Variants in WWC1 observed in about 807,000 individuals in gnomAD.
The protein encoded by WWC1 is protein KIBRA.
A neutral mutation model predicts 138.4 loss-of-function variants in WWC1; 55 were observed. The ratio of observed to expected loss-of-function variants is 0.40; its 90% CI spans 0.32 to 0.50. The LOEUF (loss-of-function observed/expected upper bound fraction) is 0.50. Among genes scored for constraint, WWC1 ranks in the 20% least tolerant of loss-of-function variants. WWC1 has a pLI of 0.72. For synonymous variants in WWC1, 524 were observed against 564.9 expected (o/e 0.93, Z 1.03); for missense variants, 1,226 against 1,420.4 (o/e 0.86, Z 2.20).
intron 1 of WWC1, among the ~76,000 whole-genome samples, chr5:168,348,499 C>T (rs775573978): frequency 1.2e-4 from 18 of 152,148 alleles, no homozygotes; most frequent in Non-Finnish European, 2.5e-4. Context: ...CAAGAAGTTC[C>T]GGGGTGGGGT....
rs200128581 is a variant in WWC1, at chr5:168,408,601, C to T, written c.815C>T (p.Pro272Leu). 2.3e-5 allele frequency: 37 copies of T among 1,614,070 alleles called. No homozygotes were observed. In the East Asian group the frequency reaches 3.6e-4, roughly 16 times the overall value. The change falls in exon 7 of 23, where the codon CCG becomes CTG. Residue 272 changes from proline to leucine, a missense_variant. Pro to Leu is a moderately conservative substitution (Grantham distance 98). Transcript: ENST00000265293. The stretch of plus-strand genomic sequence containing the variant: ...AGCTCTCTGGAGAGTTCGAGTTTCC[C>T]GCTACCGAAACAGTACCTGGATGTG... ...SSSSLESSSF[P>L]LPKQYLDVSS...
intron 2 of WWC1, among the ~76,000 whole-genome samples, chr5:168,377,837 G>A (rs1777333570): frequency 1.3e-5 from 2 of 152,340 alleles, no homozygotes; most frequent in South Asian, 4.1e-4. Flanking sequence ...CAGTGGGAAT[G>A]TAAATTAGTT....
At chr5:168,313,173 C>T (rs1226518989) in intron 1 of WWC1, among the ~76,000 whole-genome samples, 1 of 152,108 alleles carries the variant, frequency 6.6e-6, no homozygotes, top group Non-Finnish European at 1.5e-5. Context: ...GTTCACAGGG[C>T]CTGGTGGTTT....
rs1561712366 is a variant in WWC1 at position 168,403,060 on chromosome 5, T to TTCTTTCTTTCTTTCTTTCTTTCTTTCTC, written c.591-3117_591-3116insCTTTCTCTCTTTCTTTCTTTCTTTCTTT. On this transcript the variant is annotated intron_variant, in intron 5 of 22. Coordinates refer to ENST00000265293, the MANE Select transcript of WWC1 (RefSeq NM_015238.3). ...TTTCTTTCTTTCTTTCTTTCTTTCT[T>TTCTTTCTTTCTTTCTTTCTTTCTTTCTC]TCTTTCTTTCTTTCTTTCTTTTCTT... Among the ~76,000 whole-genome samples, 5 of 124,038 alleles carry TTCTTTCTTTCTTTCTTTCTTTCTTTCTC rather than the reference T, an allele frequency of 4.0e-5. No individual in the cohort carries two copies. In the East Asian group the frequency reaches 6.1e-4, roughly 15 times the overall value. The allele number at this position is 124,038 out of a possible 152,430, so 81.4% of individuals were successfully genotyped here.
chr5:168,441,992 A>G lies in WWC1; in HGVS notation c.2433+158A>G, dbSNP rs2152871653. The G allele has an allele frequency of 3.5e-6, 4 of 1,136,048 alleles. No homozygotes were observed. In the Admixed American group the frequency reaches 9.3e-5, roughly 26 times the overall value. 70.4% of individuals were successfully genotyped at this position (1,136,048 alleles called of 1,614,324 possible). A position where few individuals can be genotyped will look rare whatever the true frequency, so the allele number is the denominator to read the frequency against. On this transcript the variant is annotated intron_variant, in intron 16 of 22. Transcript: ENST00000265293. ...AGACAGGGAAGGAGAGATCTCCACT[A>G]AGGGGCAGGCGGCTCCCTTTCTGCA... is the stretch of plus-strand genomic sequence containing the variant.
At chr5:168,357,971 G>A (rs1051134863) in intron 1 of WWC1, among the ~76,000 whole-genome samples, 1 of 152,240 alleles carries the variant, frequency 6.6e-6, no homozygotes, top group Non-Finnish European at 1.5e-5. Flanking sequence ...GACAAGGCGA[G>A]CTTCTGGCTA....
At chr5:168,402,739 C>A (rs1779400694) in intron 5 of WWC1, among the ~76,000 whole-genome samples, 1 of 152,208 alleles carries the variant, frequency 6.6e-6, no homozygotes, top group South Asian at 2.1e-4. Context: ...AAACCCAGGA[C>A]TACTGGATTT....
intron 12 of WWC1, among the ~76,000 whole-genome samples, chr5:168,428,417 G>A (rs1218744729): frequency 1.3e-5 from 2 of 152,030 alleles, no homozygotes; most frequent in Non-Finnish European, 2.9e-5. Flanking sequence ...GAAAGGGAAG[G>A]CCCCTTAAGA....
chr5:168,404,442 A>G (rs141472721), intron 5 of WWC1, among the ~76,000 whole-genome samples: 2 of 152,374 alleles, frequency 1.3e-5, no homozygotes, highest in Non-Finnish European at 2.9e-5. Context: ...GTGGGGAGAC[A>G]TAAACGGGGC....
intron 17 of WWC1, among the ~76,000 whole-genome samples, chr5:168,450,362 C>T (rs1755687864): frequency 6.6e-6 from 1 of 152,066 alleles, no homozygotes; most frequent in Non-Finnish European, 1.5e-5. Context: ...TGAACACTTA[C>T]ATCATGTATA....
At chr5:168,406,865 CCA>C (rs1440199748) in intron 6 of WWC1, among the ~76,000 whole-genome samples, 2 of 152,050 alleles carry the variant, frequency 1.3e-5, no homozygotes, top group Non-Finnish European at 2.9e-5. Flanking sequence ...TGGCGTGAAC[CCA>C]GGAGGTGGAG....
chr5:168,387,420 A>G (rs1778127464), intron 3 of WWC1, among the ~76,000 whole-genome samples: 1 of 152,230 alleles, frequency 6.6e-6, no homozygotes, highest in Non-Finnish European at 1.5e-5. Context: ...TATAGAAAAG[A>G]ACTGTGTTAC....
At chr5:168,398,421 A>T (rs929942610) in intron 4 of WWC1, among the ~76,000 whole-genome samples, 2 of 152,206 alleles carry the variant, frequency 1.3e-5, no homozygotes, top group African/African-American at 4.8e-5. Context: ...TTTAAAGATG[A>T]GCAAACAGAG....
chr5:168,431,601 G>A (rs1781950305), intron 15 of WWC1, among the ~76,000 whole-genome samples, 157 bp downstream of exon 15: 1 of 152,152 alleles, frequency 6.6e-6, no homozygotes, highest in Non-Finnish European at 1.5e-5. Flanking sequence ...GCTCATCTTG[G>A]ATTCTAGGCA....
Position 168,464,720 on chromosome 5 carries a change from C to G in WWC1, c.2917-9C>G. 6.2e-7 allele frequency: 1 copy of G among 1,614,102 alleles called. No individual in the cohort carries two copies. Among genetic ancestry groups the G allele is most frequent in the East Asian group, 2.2e-5 (1 of 44,860 alleles). ...CTAATAACAAGAGAAGCCGTCCCCA[C>G]CCCCACAGCCTTCCTCGGTCAAGTC... On this transcript the variant is annotated splice_polypyrimidine_tract_variant and intron_variant, in intron 20 of 22. Coordinates refer to ENST00000265293, the MANE Select transcript of WWC1 (RefSeq NM_015238.3).
intron 17 of WWC1, 57 bp from the exon 18 acceptor site, chr5:168,453,911 G>A (rs1756058543): frequency 1.7e-5 from 28 of 1,605,652 alleles, no homozygotes; most frequent in African/African-American, 4.0e-5. Context: ...ATTAAAGGCA[G>A]GTGAACAGAG....
intron 1 of WWC1, among the ~76,000 whole-genome samples, chr5:168,331,449 G>C (rs1021156934): frequency 6.6e-6 from 1 of 152,152 alleles, no homozygotes; most frequent in Non-Finnish European, 1.5e-5. Flanking sequence ...ACTTCACTGG[G>C]TTACCTGCCT....
intron 1 of WWC1, among the ~76,000 whole-genome samples, chr5:168,317,474 G>A (rs1425885729): frequency 2.0e-5 from 3 of 152,144 alleles, no homozygotes; most frequent in Non-Finnish European, 4.4e-5. Context: ...CCCAGGGGTT[G>A]GCAGGATGGT....
At chr5:168,299,952 G>A (rs1038344358) in intron 1 of WWC1, among the ~76,000 whole-genome samples, 7 of 152,184 alleles carry the variant, frequency 4.6e-5, no homozygotes, top group African/African-American at 1.7e-4. Context: ...TCAGCAAGGG[G>A]CCCTGGATAA....
Sources: gnomAD v4.1 joint callset for allele counts (sites outside exome capture counted in the v4.1 genomes callset) on GRCh38, gnomAD v4.1.1 for gene constraint, MANE v1.5 for transcripts, NCBI Gene and HGNC (gene_info 2026-07-23, HGNC 2026-07-21) for gene names.